HOMER2: variants seen among roughly 807,000 people sequenced by gnomAD.
HOMER2 encodes homer protein homolog 2.
In HOMER2, 27 loss-of-function variants were observed where a neutral mutation model predicts 47.0. The ratio of observed to expected loss-of-function variants is 0.57; its 90% CI spans 0.42 to 0.79. HOMER2 has a LOEUF of 0.79. Among genes scored for constraint, HOMER2 ranks in the 30% least tolerant of loss-of-function variants. The pLI, the probability that HOMER2 is intolerant of heterozygous loss-of-function variation, is 0.00. For synonymous variants in HOMER2, 161 were observed against 163.8 expected (o/e 0.98, Z 0.13); for missense variants, 443 against 435.0 (o/e 1.02, Z -0.16).
Position 82,952,718 on chromosome 15 carries a change from C to A in HOMER2, c.-183G>T, listed in dbSNP as rs939087564. 4.1e-6 allele frequency: 4 copies of A among 981,380 alleles called. No individual in the cohort carries two copies. The highest frequency in any genetic ancestry group is 4.8e-6 in the Non-Finnish European group (4 of 828,520). 60.8% of individuals were successfully genotyped at this position (981,380 alleles called of 1,614,324 possible). A position where few individuals can be genotyped will look rare whatever the true frequency, so the allele number is the denominator to read the frequency against. ...TGCCACTGCCGCCACCGCCGCCAGGCGCGGGCGGGCGGGGGCTGGGCGGCC... is the reference window on the plus strand; with the variant it reads ...TGCCACTGCCGCCACCGCCGCCAGGAGCGGGCGGGCGGGGGCTGGGCGGCC... On this transcript the variant is annotated 5_prime_UTR_variant, in exon 1 of 9. Coordinates refer to ENST00000450735, the MANE Select transcript of HOMER2 (RefSeq NM_004839.4).
At chr15:82,919,325 C>T (rs1596354293) in intron 1 of HOMER2, among the ~76,000 whole-genome samples, 1 of 152,192 alleles carries the variant, frequency 6.6e-6, no homozygotes. Flanking sequence ...GAAGTCACAA[C>T]GGGTTGCTCG....
At chr15:82,864,577 G>A (rs550345686) in intron 3 of HOMER2, among the ~76,000 whole-genome samples, 15 of 152,088 alleles carry the variant, frequency 9.9e-5, no homozygotes, top group Non-Finnish European at 2.2e-4. Flanking sequence ...AATCCATACC[G>A]AAAAGATCCA....
At chr15:82,942,519 G>A (rs2054286812) in intron 1 of HOMER2, among the ~76,000 whole-genome samples, 2 of 152,188 alleles carry the variant, frequency 1.3e-5, no homozygotes, top group East Asian at 1.9e-4. Flanking sequence ...CCACTAGCCT[G>A]TAAGCATCCT....
intron 3 of HOMER2, 124 bp downstream of exon 3, chr15:82,875,149 G>T: frequency 8.8e-7 from 1 of 1,130,408 alleles, no homozygotes; most frequent in Non-Finnish European, 1.3e-6. Context: ...GTGATGCCAG[G>T]AGGAGTGAAA....
intron 1 of HOMER2, among the ~76,000 whole-genome samples, chr15:82,947,875 G>A (rs971131329): frequency 6.6e-6 from 1 of 152,190 alleles, no homozygotes; most frequent in Non-Finnish European, 1.5e-5. Flanking sequence ...AAAAGATAAG[G>A]TCCTATCCTT....
chr15:82,947,256 T>C (rs1206583053), intron 1 of HOMER2, among the ~76,000 whole-genome samples: 3 of 152,198 alleles, frequency 2.0e-5, no homozygotes, highest in African/African-American at 7.2e-5. Context: ...CTATAATTTG[T>C]TGGAACTACA....
At chr15:82,855,527 G>A (rs531928666) in intron 5 of HOMER2, among the ~76,000 whole-genome samples, 1 of 152,188 alleles carries the variant, frequency 6.6e-6, no homozygotes, top group African/African-American at 2.4e-5. Flanking sequence ...CCAGGACGCT[G>A]GGTTTAAACA....
intron 3 of HOMER2, among the ~76,000 whole-genome samples, chr15:82,865,926 A>G (rs1334074742): frequency 6.6e-6 from 1 of 152,186 alleles, no homozygotes; most frequent in African/African-American, 2.4e-5. Flanking sequence ...TGGGGCTCTC[A>G]TGGAGAACTC....
chr15:82,974,340 G>A (rs1207225567), intron 1 of HOMER2, among the ~76,000 whole-genome samples: 2 of 151,432 alleles, frequency 1.3e-5, no homozygotes, highest in African/African-American at 4.9e-5. Context: ...GGAGGTGGAG[G>A]TTGCAGTGAG....
chr15:82,914,178 TACACACACACACACACACACAC>T (rs58323062), intron 1 of HOMER2, among the ~76,000 whole-genome samples: 15 of 116,808 alleles, frequency 1.3e-4, no homozygotes, highest in East Asian at 2.7e-4. Context: ...CTACTAAAAA[TACACACACACACACACACACAC>T]ACACACACAC....
intron 1 of HOMER2, among the ~76,000 whole-genome samples, chr15:82,918,496 G>A (rs955596113): frequency 1.3e-5 from 2 of 152,104 alleles, no homozygotes; most frequent in African/African-American, 4.8e-5. Flanking sequence ...CTCAGCAGGT[G>A]AGGCTGGGTG....
At chr15:82,846,607 C>T (rs1356971112), downstream of HOMER2, 1 of 149,234 alleles carries the variant, frequency 6.7e-6, no homozygotes, top group Non-Finnish European at 1.5e-5. Context: ...GCTGGGTGAC[C>T]CTGGGCGTGT....
downstream of HOMER2, among the ~76,000 whole-genome samples, chr15:82,848,770 G>GC (rs1475432755): frequency 6.6e-6 from 1 of 152,192 alleles, no homozygotes; most frequent in Admixed American, 6.5e-5. Context: ...CAGGGGCAGA[G>GC]CATCACGGAT....
intron 1 of HOMER2, among the ~76,000 whole-genome samples, chr15:82,924,492 T>C (rs538855072): frequency 1.3e-5 from 2 of 152,174 alleles, no homozygotes; most frequent in South Asian, 2.1e-4. Context: ...ACTTCACTTT[T>C]ATCTTCTTCA....
At chr15:82,931,461 T>C (rs1041488911) in intron 1 of HOMER2, among the ~76,000 whole-genome samples, 1 of 151,300 alleles carries the variant, frequency 6.6e-6, no homozygotes. Context: ...GCCAGTGATA[T>C]GGCTTTCAAT....
rs776528780 is a variant in HOMER2, at chr15:82,859,020, C to A, written c.494+9G>T. 6.2e-7 allele frequency: 1 copy of A among 1,608,402 alleles called. No homozygotes were observed. Among genetic ancestry groups the A allele is most frequent in the Non-Finnish European group, 8.5e-7 (1 of 1,176,080 alleles). On this transcript the variant is annotated intron_variant, in intron 5 of 8. Coordinates refer to ENST00000450735, the MANE Select transcript of HOMER2 (RefSeq NM_004839.4). ...AGAAAATAGAATCTGGACTTTAAAACAGCCTTACCTCTGCGTCAAGGCAAT... is the reference window on the plus strand; with the variant it reads ...AGAAAATAGAATCTGGACTTTAAAAAAGCCTTACCTCTGCGTCAAGGCAAT...
downstream of HOMER2, chr15:82,834,732 A>G (rs546758022): frequency 2.0e-5 from 3 of 152,690 alleles, no homozygotes; most frequent in South Asian, 2.1e-4. Context: ...ACTATTTGCA[A>G]TGCATTAGCA....
chr15:82,922,640 T>C (rs1477249979), intron 1 of HOMER2, among the ~76,000 whole-genome samples: 1 of 152,144 alleles, frequency 6.6e-6, no homozygotes, highest in Non-Finnish European at 1.5e-5. Context: ...CCTTTTTTTA[T>C]GCTTGATTCC....
chr15:82,959,451 C>T (rs1359299148), intron 1 of HOMER2: 1 of 152,312 alleles, frequency 6.6e-6, no homozygotes, highest in Non-Finnish European at 1.5e-5. Flanking sequence ...AGAGCACAGT[C>T]ATTGCAGGTT....
Sources: gnomAD v4.1 joint callset for allele counts (sites outside exome capture counted in the v4.1 genomes callset) on GRCh38, gnomAD v4.1.1 for gene constraint, MANE v1.5 for transcripts, NCBI Gene and HGNC (gene_info 2026-07-23, HGNC 2026-07-21) for gene names.